The following TTC17 variants were observed in gnomAD, a reference collection of about 807,000 sequenced individuals.
TTC17 encodes tetratricopeptide repeat domain 17.
In TTC17, 58 loss-of-function variants were observed where a neutral mutation model predicts 143.8. The ratio of observed to expected loss-of-function variants is 0.40; its 90% CI spans 0.33 to 0.50. The LOEUF (loss-of-function observed/expected upper bound fraction) is 0.50, where lower values mean the gene tolerates loss of function less well. Ranked by LOEUF, TTC17 falls within the 20% of genes least tolerant of loss-of-function variation. TTC17 has a pLI of 0.49. For synonymous variants in TTC17, 501 were observed against 497.8 expected (o/e 1.01, Z -0.09); for missense variants, 1,273 against 1,392.5 (o/e 0.91, Z 1.37).
At chr11:43,364,079 G>A (rs201469916) in intron 1 of TTC17, among the ~76,000 whole-genome samples, 8 of 127,568 alleles carry the variant, frequency 6.3e-5, no homozygotes, top group East Asian at 2.3e-4. Context: ...TTTTTGAGAC[G>A]GAGTCTCACT....
intron 10 of TTC17, 22 bp from the exon 11 acceptor site, chr11:43,403,976 A>G: frequency 6.4e-7 from 1 of 1,566,920 alleles, no homozygotes; most frequent in South Asian, 1.2e-5. Flanking sequence ...AATTTGATTG[A>G]ACTTTTTGTT....
chr11:43,431,724 A>C (rs1480209749), intron 16 of TTC17, among the ~76,000 whole-genome samples: 2 of 152,230 alleles, frequency 1.3e-5, no homozygotes, highest in Admixed American at 1.3e-4. Context: ...CTCAATTTGC[A>C]GCCAGTGCAG....
rs142513678 is a variant in TTC17 at position 43,453,949 on chromosome 11, C to G, written c.3030+2684C>G. ...ATATTATAGAGTATCAGCTGTTTAC[C>G]CTTGTGATCATGTGGCTGACTGGCA... On this transcript the variant is annotated intron_variant, in intron 21 of 23. Coordinates refer to ENST00000039989, the MANE Select transcript of TTC17 (RefSeq NM_018259.6). Among the ~76,000 whole-genome samples the G allele has an allele frequency of 8.5e-5, 13 of 152,160 alleles. No homozygotes were observed. In the East Asian group the frequency reaches 2.5e-3, roughly 29 times the overall value.
chr11:43,473,260 G>A (rs1031772739), intron 21 of TTC17, among the ~76,000 whole-genome samples: 8 of 151,840 alleles, frequency 5.3e-5, no homozygotes, highest in African/African-American at 1.9e-4. Flanking sequence ...AATGAAAAAA[G>A]CACAAAGGGA....
Position 43,411,114 on chromosome 11 carries a change from A to G in TTC17, c.2065-3476A>G, listed in dbSNP as rs181449264. Among the ~76,000 whole-genome samples the G allele has an allele frequency of 5.9e-5, 9 of 152,310 alleles. No homozygotes were observed. The South Asian group carries it at 1.4e-3, about 25-fold the overall frequency. On this transcript the variant is annotated intron_variant, in intron 15 of 23. Transcript: ENST00000039989. ...CTCAAAATCCCTGTAGTGGCTCTCC[A>G]TAGAACTCACGGGAAAATACGAATT...
intron 16 of TTC17, among the ~76,000 whole-genome samples, chr11:43,439,470 G>GTTT (rs370245266): frequency 7.3e-5 from 10 of 137,924 alleles, no homozygotes; most frequent in African/African-American, 1.9e-4. Flanking sequence ...TTTTTTTTTG[G>GTTT]TTTTTTTTTT....
chr11:43,469,429 G>T (rs1476110449), intron 21 of TTC17, among the ~76,000 whole-genome samples: 1 of 152,096 alleles, frequency 6.6e-6, no homozygotes, highest in Admixed American at 6.6e-5. Context: ...ATTTACAGCA[G>T]CTTTATTCAT....
chr11:43,405,529 C>A lies in TTC17; in HGVS notation c.1495C>A (p.Leu499Ile), dbSNP rs145145736. 6.2e-7 allele frequency: 1 copy of A among 1,613,702 alleles called. No homozygotes were observed. Among genetic ancestry groups the A allele is most frequent in the Non-Finnish European group, 8.5e-7 (1 of 1,179,686 alleles). ...SDAYRDKQHILWPKRADCTES... is the reference protein window; with the variant it reads ...SDAYRDKQHIIWPKRADCTES... ...TCTTTATCAGGACAAACAGCATATT[C>A]TATGGCCTAAAAGAGCAGATTGTAC... Residue 499 changes from leucine (L) to isoleucine (I), a missense_variant, in exon 12 of 24, where the codon CTA becomes ATA. Transcript: ENST00000039989.
intron 1 of TTC17, among the ~76,000 whole-genome samples, chr11:43,361,291 T>C (rs1235476342): frequency 6.6e-6 from 1 of 152,232 alleles, no homozygotes; most frequent in Non-Finnish European, 1.5e-5. Context: ...ATGAAATCCA[T>C]ATATATTGCA....
chr11:43,383,320 C>T (rs1019722008), intron 2 of TTC17, among the ~76,000 whole-genome samples: 2 of 152,082 alleles, frequency 1.3e-5, no homozygotes, highest in African/African-American at 4.8e-5. Flanking sequence ...CTATGTTGAA[C>T]TCTGATTCAA....
chr11:43,469,865 T>C (rs1948059827), intron 21 of TTC17, among the ~76,000 whole-genome samples: 1 of 152,170 alleles, frequency 6.6e-6, no homozygotes, highest in Non-Finnish European at 1.5e-5. Context: ...TTTAGACCAC[T>C]AAAAGCTGGA....
intron 2 of TTC17, among the ~76,000 whole-genome samples, chr11:43,389,253 A>G (rs1196507499): frequency 6.6e-6 from 1 of 152,168 alleles, no homozygotes; most frequent in African/African-American, 2.4e-5. Flanking sequence ...TAGATATTTT[A>G]TGGTTGACAG....
chr11:43,377,492 A>G (rs1374479706), intron 1 of TTC17, among the ~76,000 whole-genome samples: 5 of 152,226 alleles, frequency 3.3e-5, no homozygotes, highest in Non-Finnish European at 1.5e-5. Flanking sequence ...TTAAAATTTA[A>G]GAACTTGAAA....
intron 1 of TTC17, among the ~76,000 whole-genome samples, chr11:43,376,304 A>G (rs1199509214): frequency 6.6e-6 from 1 of 152,230 alleles, no homozygotes; most frequent in Non-Finnish European, 1.5e-5. Flanking sequence ...AATCATTCTG[A>G]ATAATAGAAT....
intron 22 of TTC17, chr11:43,490,867 A>AC (rs1948462814): frequency 2.0e-5 from 3 of 151,020 alleles, no homozygotes; most frequent in African/African-American, 7.3e-5. Context: ...AAAAAAAAAA[A>AC]AAAAAAAAAA....
Position 43,368,377 on chromosome 11 carries a change from T to TA in TTC17, c.159+9267dup. Among the ~76,000 whole-genome samples the TA allele has an allele frequency of 2.0e-5, 3 of 152,316 alleles. No individual in the cohort carries two copies. The Middle Eastern group carries it at 0.01, about 518-fold the overall frequency. ...ATCACAAATACATCATGTCCTAAACTAAACTCTTGATTTTCTACCCCACCA... is the reference window on the plus strand; with the variant it reads ...ATCACAAATACATCATGTCCTAAACTAAAACTCTTGATTTTCTACCCCACCA... On this transcript the variant is annotated intron_variant, in intron 1 of 23. Coordinates refer to ENST00000039989, the MANE Select transcript of TTC17 (RefSeq NM_018259.6).
intron 1 of TTC17, among the ~76,000 whole-genome samples, chr11:43,368,194 C>A (rs548365180): frequency 6.6e-6 from 1 of 152,182 alleles, no homozygotes; most frequent in East Asian, 1.9e-4. Context: ...CTTTTCTTCC[C>A]TCTGTACATA....
intron 3 of TTC17, among the ~76,000 whole-genome samples, chr11:43,390,783 A>G (rs1857355155): frequency 6.6e-6 from 1 of 152,146 alleles, no homozygotes; most frequent in South Asian, 2.1e-4. Context: ...AAAAGTACAA[A>G]TGAAAACATT....
At chr11:43,395,901 G>A (rs892261972) in intron 5 of TTC17, among the ~76,000 whole-genome samples, 1 of 152,012 alleles carries the variant, frequency 6.6e-6, no homozygotes, top group East Asian at 1.9e-4. Flanking sequence ...TAGTTAAAAC[G>A]TAATTATTCC....
Sources: allele counts gnomAD v4.1 joint callset (sites outside exome capture counted in the v4.1 genomes callset), GRCh38; gene constraint gnomAD v4.1.1; transcripts MANE v1.5; gene names NCBI Gene and HGNC (gene_info 2026-07-23, HGNC 2026-07-21).